The following COL22A1 variants were observed in gnomAD, a reference collection of about 807,000 sequenced individuals.
The protein encoded by COL22A1 is collagen alpha-1(XXII) chain.
In COL22A1, 221 loss-of-function variants were observed where a neutral mutation model predicts 248.9. That is an observed-to-expected ratio of 0.89 (90% confidence interval 0.80 to 0.99). The LOEUF (loss-of-function observed/expected upper bound fraction) is 0.99. Ranked by LOEUF, COL22A1 falls within the 50% of genes least tolerant of loss-of-function variation. The pLI is 0.00. For missense variants in COL22A1, 2,240 were observed against 2,179.0 expected, an observed-to-expected ratio of 1.03 and a Z score of -0.56; for synonymous variants, 891 against 793.4, an observed-to-expected ratio of 1.12 and a Z score of -2.07.
chr8:138,652,734 G>GTTTTTTTTTTTTT (rs1564146836), intron 45 of COL22A1, among the ~76,000 whole-genome samples: 3 of 45,876 alleles, frequency 6.5e-5, no homozygotes, highest in African/African-American at 1.4e-4. Flanking sequence ...TTCCTTTTCT[G>GTTTTTTTTTTTTT]GTTTTTTTTT....
intron 26 of COL22A1, among the ~76,000 whole-genome samples, chr8:138,721,038 C>A (rs761166353): frequency 6.6e-6 from 1 of 152,076 alleles, no homozygotes; most frequent in African/African-American, 2.4e-5. Context: ...GGCATTCTCT[C>A]TTATTGAGAG....
chr8:138,649,244 G>C (rs6988358), intron 46 of COL22A1, among the ~76,000 whole-genome samples: 119,907 of 152,118 alleles, frequency 0.79, 48,188 homozygotes, highest in Middle Eastern at 0.94. Flanking sequence ...GTCATAAACA[G>C]GTAATGACAA....
At chr8:138,714,543 C>A (rs976471705) in intron 30 of COL22A1, among the ~76,000 whole-genome samples, 14 of 152,172 alleles carry the variant, frequency 9.2e-5, no homozygotes, top group Admixed American at 2.6e-4. Context: ...TCTGGGACAG[C>A]TCCCTCCCCT....
chr8:138,589,102 C>T lies in COL22A1; in HGVS notation c.*151G>A, dbSNP rs1816819066. The T allele has an allele frequency of 1.4e-6, 1 of 693,172 alleles. No homozygotes were observed. The highest frequency in any genetic ancestry group is 1.8e-5 in the South Asian group (1 of 54,352). The allele number at this position is 693,172 out of a possible 1,614,324, so 42.9% of individuals were successfully genotyped here. On this transcript the variant is annotated 3_prime_UTR_variant, in exon 65 of 65. Coordinates refer to ENST00000303045, the MANE Select transcript of COL22A1 (RefSeq NM_152888.3). ...CTGTTGGATTTAATAATTTTGAGGT[C>T]TCTCAAGAAAATAAAACAAAAAGCA...
intron 40 of COL22A1, among the ~76,000 whole-genome samples, chr8:138,677,672 A>C (rs979396313): frequency 6.6e-6 from 1 of 152,272 alleles, no homozygotes; most frequent in Non-Finnish European, 1.5e-5. Flanking sequence ...AATGTGCTTG[A>C]TTAGGGGTGT....
At chr8:138,839,426 T>G (rs1820698511) in intron 4 of COL22A1, among the ~76,000 whole-genome samples, 1 of 152,020 alleles carries the variant, frequency 6.6e-6, no homozygotes. Context: ...GGCTTTAAAG[T>G]GAGGGAGAAA....
intron 16 of COL22A1, among the ~76,000 whole-genome samples, chr8:138,769,436 G>A (rs573333490): frequency 6.6e-6 from 1 of 152,306 alleles, no homozygotes; most frequent in African/African-American, 2.4e-5. Flanking sequence ...GAAGGGGGAA[G>A]ATGGCATCTT....
intron 1 of COL22A1, among the ~76,000 whole-genome samples, chr8:138,897,625 T>C (rs7820239): frequency 0.94 from 142,722 of 152,134 alleles, 67,025 homozygotes; most frequent in East Asian, 1. Context: ...CTGAGGCCCC[T>C]GAAGACAAGC....
intron 23 of COL22A1, 137 bp downstream of exon 23, chr8:138,737,387 C>T (rs1016579666): frequency 3.0e-6 from 2 of 658,222 alleles, no homozygotes; most frequent in Admixed American, 2.3e-5. Flanking sequence ...GACACGTGAC[C>T]CACTGGCTGT....
Position 138,755,118 on chromosome 8 carries a change from C to G in COL22A1, c.2031+39G>C, listed in dbSNP as rs376061474. On this transcript the variant is annotated intron_variant, in intron 21 of 64. Transcript: ENST00000303045. ...CTTCCAAACCCATTGGTAAGAGAAGCGTGCAGAGCAAACCCTGCGCAGGAG... is the reference window on the plus strand; with the variant it reads ...CTTCCAAACCCATTGGTAAGAGAAGGGTGCAGAGCAAACCCTGCGCAGGAG... The G allele has an allele frequency of 1.9e-6, 3 of 1,596,140 alleles. No homozygotes were observed. In the Admixed American group the frequency reaches 5.0e-5, roughly 27 times the overall value.
chr8:138,642,083 T>C (rs1284018202), intron 47 of COL22A1, among the ~76,000 whole-genome samples: 1 of 152,206 alleles, frequency 6.6e-6, no homozygotes, highest in East Asian at 1.9e-4. Context: ...GGGGCAGCTA[T>C]TGCAGACAGG....
At chr8:138,805,767 TGTGATAGTGTAG>T (rs775075374) in intron 10 of COL22A1, among the ~76,000 whole-genome samples, 1 of 144,230 alleles carries the variant, frequency 6.9e-6, no homozygotes, top group Non-Finnish European at 1.5e-5. Flanking sequence ...TGTAATGGTA[TGTGATAGTGTAG>T]GTGATGGTGC....
At chr8:138,820,102 A>G (rs942242206) in intron 7 of COL22A1, among the ~76,000 whole-genome samples, 2 of 152,146 alleles carry the variant, frequency 1.3e-5, no homozygotes, top group African/African-American at 4.8e-5. Context: ...CTAAAAAAAA[A>G]TAAAAGCTTA....
chr8:138,718,813 G>C (rs1829643911), intron 27 of COL22A1, among the ~76,000 whole-genome samples: 1 of 152,166 alleles, frequency 6.6e-6, no homozygotes, highest in Non-Finnish European at 1.5e-5. Context: ...TAAAGCAGTA[G>C]GCTTCTCTGA....
chr8:138,786,886 T>G (rs771308013), intron 12 of COL22A1, among the ~76,000 whole-genome samples: 1 of 152,072 alleles, frequency 6.6e-6, no homozygotes, highest in Non-Finnish European at 1.5e-5. Flanking sequence ...CCTGGCAGCC[T>G]GGGCGACAGA....
chr8:138,771,077 G>A lies in COL22A1; in HGVS notation c.1803+4889C>T, dbSNP rs534532594. Among the ~76,000 whole-genome samples, 63 of 152,300 alleles carry A rather than the reference G, an allele frequency of 4.1e-4. 1 individual carries two copies. The highest frequency in any genetic ancestry group is 1.1e-3 in the African/African-American group (44 of 41,566). On this transcript the variant is annotated intron_variant, in intron 16 of 64. Coordinates refer to ENST00000303045, the MANE Select transcript of COL22A1 (RefSeq NM_152888.3). ...CAGGTCACACTGCTCGCAGAGCCCCGAGCTGGGATTCAAGGGCAGGCCCCA... is the reference window on the plus strand; with the variant it reads ...CAGGTCACACTGCTCGCAGAGCCCCAAGCTGGGATTCAAGGGCAGGCCCCA...
chr8:138,860,620 C>T (rs1245342539), intron 3 of COL22A1, among the ~76,000 whole-genome samples: 1 of 152,130 alleles, frequency 6.6e-6, no homozygotes, highest in African/African-American at 2.4e-5. Context: ...CCAGCCTGGG[C>T]AATATAGTGA....
intron 21 of COL22A1, among the ~76,000 whole-genome samples, 198 bp downstream of exon 21, chr8:138,754,959 C>T (rs985778984): frequency 5.9e-5 from 9 of 152,320 alleles, no homozygotes; most frequent in Non-Finnish European, 1.0e-4. Flanking sequence ...AGCTGCCTGA[C>T]GTGGAGAGAG....
intron 23 of COL22A1, among the ~76,000 whole-genome samples, chr8:138,727,549 A>G (rs973627957): frequency 4.6e-5 from 7 of 152,204 alleles, no homozygotes; most frequent in East Asian, 1.9e-4. Flanking sequence ...ACAACACTGC[A>G]TGGCCACTAG....
Sources: allele counts gnomAD v4.1 joint callset (sites outside exome capture counted in the v4.1 genomes callset), GRCh38; gene constraint gnomAD v4.1.1; transcripts MANE v1.5; gene names NCBI Gene and HGNC (gene_info 2026-07-23, HGNC 2026-07-21).